Variants in RAB3C observed in about 807,000 individuals in gnomAD.
RAB3C encodes ras-related protein Rab-3C.
A neutral mutation model predicts 26.4 loss-of-function variants in RAB3C; 17 were observed. The ratio of observed to expected loss-of-function variants is 0.64; its 90% CI spans 0.44 to 0.97. The LOEUF is 0.97. RAB3C is among the 50% of genes least tolerant of loss of function. The pLI, the probability that RAB3C is intolerant of heterozygous loss-of-function variation, is 0.00. For synonymous variants in RAB3C, 91 were observed against 95.9 expected (o/e 0.95, Z 0.30); for missense variants, 242 against 281.9 (o/e 0.86, Z 1.01).
chr5:58,698,702 C>T (rs1391967124), intron 2 of RAB3C, among the ~76,000 whole-genome samples: 1 of 152,184 alleles, frequency 6.6e-6, no homozygotes, highest in Non-Finnish European at 1.5e-5. Context: ...ACCCTTTCTT[C>T]CACTTGATCA....
intron 2 of RAB3C, among the ~76,000 whole-genome samples, chr5:58,626,964 T>C (rs1426277728): frequency 6.6e-6 from 1 of 152,324 alleles, no homozygotes; most frequent in East Asian, 1.9e-4. Context: ...ATCACCTGGA[T>C]TGCTCTCACC....
At chr5:58,667,086 C>T (rs916817877) in intron 2 of RAB3C, among the ~76,000 whole-genome samples, 6 of 152,140 alleles carry the variant, frequency 3.9e-5, no homozygotes, top group African/African-American at 1.4e-4. Context: ...TTCCCAATGT[C>T]TTTTCACCCC....
At chr5:58,679,731 G>A (rs758476849) in intron 2 of RAB3C, among the ~76,000 whole-genome samples, 13 of 152,032 alleles carry the variant, frequency 8.6e-5, no homozygotes, top group Non-Finnish European at 5.9e-5. Context: ...TAGTTAATAC[G>A]GTTATTTGAT....
intron 1 of RAB3C, among the ~76,000 whole-genome samples, chr5:58,604,779 G>A (rs189675616): frequency 6.6e-6 from 1 of 152,348 alleles, no homozygotes; most frequent in Non-Finnish European, 1.5e-5. Context: ...AGCCTGTGAA[G>A]TCTGCAAGCT....
intron 4 of RAB3C, among the ~76,000 whole-genome samples, chr5:58,849,281 G>T (rs764802881): frequency 6.7e-6 from 1 of 150,080 alleles, no homozygotes. Flanking sequence ...TTCTTCAAAG[G>T]CTCATTCAGG....
intron 1 of RAB3C, 47 bp from the exon 2 acceptor site, chr5:58,617,596 C>A: frequency 7.4e-7 from 1 of 1,352,526 alleles, no homozygotes; most frequent in South Asian, 1.2e-5. Flanking sequence ...AAATGAGAGT[C>A]TGATCTACAC....
At chr5:58,843,053 A>G (rs1186930802) in intron 4 of RAB3C, among the ~76,000 whole-genome samples, 1 of 152,166 alleles carries the variant, frequency 6.6e-6, no homozygotes, top group Non-Finnish European at 1.5e-5. Context: ...CAAGTGTGTG[A>G]CTCAACCATT....
chr5:58,734,691 T>C (rs1360844485), intron 3 of RAB3C, among the ~76,000 whole-genome samples: 6 of 152,216 alleles, frequency 3.9e-5, no homozygotes, highest in Non-Finnish European at 8.8e-5. Flanking sequence ...CATCTCTATC[T>C]TTCTAGCTTA....
intron 2 of RAB3C, among the ~76,000 whole-genome samples, chr5:58,688,271 T>A (rs982618636): frequency 6.6e-6 from 1 of 152,112 alleles, no homozygotes. Flanking sequence ...GCTGAAGGTT[T>A]TTGACCCAAG....
At chr5:58,628,166 A>AC (rs1415956465) in intron 2 of RAB3C, among the ~76,000 whole-genome samples, 1 of 149,634 alleles carries the variant, frequency 6.7e-6, no homozygotes, top group East Asian at 1.9e-4. Context: ...CAAAAAAAAA[A>AC]AAAAAAAAAA....
chr5:58,758,640 A>T (rs1178741346), intron 3 of RAB3C, among the ~76,000 whole-genome samples: 1 of 152,222 alleles, frequency 6.6e-6, no homozygotes, highest in Non-Finnish European at 1.5e-5. Flanking sequence ...GGAAGATAAT[A>T]AAGAAATAAA....
intron 1 of RAB3C, among the ~76,000 whole-genome samples, chr5:58,590,823 G>C (rs1746113370): frequency 6.6e-6 from 1 of 152,268 alleles, no homozygotes; most frequent in Non-Finnish European, 1.5e-5. Context: ...GGGATTACAG[G>C]TGTGAGCCAC....
chr5:58,823,479 AT>A (rs1416501897), intron 3 of RAB3C: 2 of 154,424 alleles, frequency 1.3e-5, no homozygotes, highest in Non-Finnish European at 2.9e-5. Flanking sequence ...AGCCAAGATC[AT>A]GCCACTGCAC....
chr5:58,691,196 G>A (rs956469996), intron 2 of RAB3C, among the ~76,000 whole-genome samples: 1 of 152,008 alleles, frequency 6.6e-6, no homozygotes. Flanking sequence ...TTCCCATAGG[G>A]CTACTAAAAG....
chr5:58,716,363 A>G (rs1190387962), intron 2 of RAB3C, among the ~76,000 whole-genome samples: 1 of 152,146 alleles, frequency 6.6e-6, no homozygotes, highest in Non-Finnish European at 1.5e-5. Context: ...ACAGAAAGCC[A>G]AAGTAAAAAA....
At chr5:58,591,809 T>A (rs1746132866) in intron 1 of RAB3C, among the ~76,000 whole-genome samples, 1 of 150,864 alleles carries the variant, frequency 6.6e-6, no homozygotes, top group Non-Finnish European at 1.5e-5. Context: ...TTTCTTTTTC[T>A]TTCTCTGTTT....
intron 2 of RAB3C, among the ~76,000 whole-genome samples, chr5:58,619,787 A>T (rs1481117528): frequency 6.6e-6 from 1 of 152,146 alleles, no homozygotes; most frequent in Non-Finnish European, 1.5e-5. Flanking sequence ...ATTTCAAATA[A>T]TATAAATTAT....
intron 3 of RAB3C, among the ~76,000 whole-genome samples, chr5:58,807,649 G>A (rs554956475): frequency 6.6e-6 from 1 of 152,016 alleles, no homozygotes; most frequent in South Asian, 2.1e-4. Context: ...TCTTATAAAG[G>A]GATTAAAACT....
At chr5:58,735,778 A>C (rs145644188) in intron 3 of RAB3C, among the ~76,000 whole-genome samples, 423 of 152,238 alleles carry the variant, frequency 2.8e-3, no homozygotes, top group African/African-American at 9.4e-3. Context: ...CAGGCTCCAC[A>C]CCTCTTGCAC....
Sources: allele counts gnomAD v4.1 joint callset (sites outside exome capture counted in the v4.1 genomes callset), GRCh38; gene constraint gnomAD v4.1.1; transcripts MANE v1.5; gene names NCBI Gene and HGNC (gene_info 2026-07-23, HGNC 2026-07-21).